SHC1: variants seen among roughly 807,000 people sequenced by gnomAD.
SHC1 encodes SHC-transforming protein 1.
A neutral mutation model predicts 55.9 loss-of-function variants in SHC1; 30 were observed. The ratio of observed to expected loss-of-function variants is 0.54; its 90% CI spans 0.40 to 0.73. The LOEUF (loss-of-function observed/expected upper bound fraction) is 0.73. Ranked by LOEUF, SHC1 falls within the 30% of genes least tolerant of loss-of-function variation. SHC1 has a pLI of 0.00. For synonymous variants in SHC1, 309 were observed against 306.1 expected, an observed-to-expected ratio of 1.01 and a Z score of -0.10; for missense variants, 675 against 777.1, an observed-to-expected ratio of 0.87 and a Z score of 1.56.
At chr1:154,966,107 T>C (rs771042856) in intron 9 of SHC1, 27 bp from the exon 10 acceptor site, 12 of 1,613,950 alleles carry the variant, frequency 7.4e-6, no homozygotes, top group Middle Eastern at 1.6e-4. Context: ...TCTACAGTGA[T>C]CCCAGCCCTG....
In SHC1 at chr1:154,966,344, G is replaced by C. The variant is rs771861582; in HGVS notation, c.1157C>G (p.Thr386Ser). The change falls in exon 8 of 12, where the codon ACC (threonine) becomes AGC (serine). Residue 386 changes from threonine (T) to serine (S), a missense_variant. By Grantham distance (58) the Thr-to-Ser change is moderately conservative (BLOSUM62 1). Around this residue, in one of 3 missense-constraint regions of SHC1, gnomAD observed 360 missense variants for 371.1 expected, o/e 0.97. Transcript: ENST00000448116. ...CAATGTAGCTCCCAAGTGGCTGGGG[G>C]TCTGGGCATTGGGTGCAGTGGGTCG... ...AARPTAPNAQTPSHLGATLPV... is the reference protein window; with the variant it reads ...AARPTAPNAQSPSHLGATLPV... The C allele has an allele frequency of 1.2e-4, 187 of 1,613,994 alleles. No individual in the cohort carries two copies. The highest frequency in any genetic ancestry group is 1.5e-4 in the Non-Finnish European group (181 of 1,179,956).
intron 8 of SHC1, 34 bp downstream of exon 8, chr1:154,966,285 C>G: frequency 6.2e-7 from 1 of 1,612,180 alleles, no homozygotes; most frequent in Non-Finnish European, 8.5e-7. Context: ...CACTCCCACC[C>G]TAGCCCCAGC....
At chr1:154,968,862 G>A (rs1353681502) in intron 2 of SHC1, 28 bp from the exon 3 acceptor site, 1 of 1,605,090 alleles carries the variant, frequency 6.2e-7, no homozygotes, top group East Asian at 2.2e-5. Context: ...CTCAGACCCA[G>A]CGCCTGCCTG....
intron 6 of SHC1, 27 bp downstream of exon 6, chr1:154,967,953 C>T (rs772522796): frequency 6.2e-7 from 1 of 1,613,482 alleles, no homozygotes; most frequent in Non-Finnish European, 8.5e-7. Context: ...CAGCCAGACC[C>T]ACCCAGTGCT....
Position 154,970,168 on chromosome 1 carries a change from C to T in SHC1, c.359G>A (p.Arg120His), listed in dbSNP as rs146132432. ...CTGGCCCCCTTCCACCCGAGTCCTGCGCCCGCCGCCTCCACTCAGCTTGTT... is the reference window on the plus strand; with the variant it reads ...CTGGCCCCCTTCCACCCGAGTCCTGTGCCCGCCGCCTCCACTCAGCTTGTT... ...DMNKLSGGGG[R>H]RTRVEGGQLG... Residue 120 changes from arginine to histidine, a missense_variant, in exon 1 of 12, where the codon CGC (arginine) becomes CAC (histidine). By Grantham distance (29) the Arg-to-His change is conservative (BLOSUM62 0). Transcript: ENST00000448116. The surrounding 1 kb of genome is among the most constrained non-coding windows in gnomAD (Gnocchi z 5.5). 160 of 1,613,396 alleles carry T rather than the reference C, an allele frequency of 9.9e-5. No homozygotes were observed. Among genetic ancestry groups the T allele is most frequent in the Middle Eastern group, 1.6e-4 (1 of 6,082 alleles).
At chr1:154,967,853 C>G in intron 6 of SHC1, 56 bp from the exon 7 acceptor site, 2 of 1,607,854 alleles carry the variant, frequency 1.2e-6, no homozygotes, top group Non-Finnish European at 8.5e-7. Flanking sequence ...GAGGCACAGA[C>G]AGGGGCCCTC....
rs147883617 is a variant in SHC1 at position 154,963,830 on chromosome 1, T to A, written c.1728A>T (p.Leu576=). 1.2e-6 allele frequency: 2 copies of A among 1,614,114 alleles called. No homozygotes were observed. Among genetic ancestry groups the A allele is most frequent in the East Asian group, 4.5e-5 (2 of 44,886 alleles). Residue 576 remains leucine, a synonymous_variant, in exon 12 of 12, where the codon CTA becomes CTT. Transcript: ENST00000448116. ...PIISAGSELC[L]QQPVERKL Reference sequence around the variant, plus strand: ...ACAGTTTCCGCTCCACAGGTTGCTGTAGACACAGTTCGCTGCCCGCAGAGA... The same window carrying A: ...ACAGTTTCCGCTCCACAGGTTGCTGAAGACACAGTTCGCTGCCCGCAGAGA...
rs1344565527 is a variant in SHC1 at position 154,963,236 on chromosome 1, A to C, written c.*567T>G. ...TGCCACTCCTGCCTCTGTTATCCCA[A>C]CCCAAACCGGAGAGGGTGCTCAGCA... is the stretch of plus-strand genomic sequence containing the variant. On this transcript the variant is annotated 3_prime_UTR_variant, in exon 12 of 12. Coordinates refer to ENST00000448116, the MANE Select transcript of SHC1 (RefSeq NM_001130040.2). The C allele has an allele frequency of 6.5e-6, 1 of 153,328 alleles. No individual in the cohort carries two copies. The highest frequency in any genetic ancestry group is 1.5e-5 in the Non-Finnish European group (1 of 68,514). 9.5% of individuals were successfully genotyped at this position (153,328 alleles called of 1,614,324 possible).
chr1:154,965,783 TG>T lies in SHC1; in HGVS notation c.1388-3del. ...CGCGAAGAGCATCTTCGAAGGGCTC[TG>T]GAAGTATAGAGGGAGGGTGAGGGGA... is the stretch of plus-strand genomic sequence containing the variant. On this transcript the variant is annotated splice_region_variant and splice_polypyrimidine_tract_variant and intron_variant, in intron 10 of 11. Coordinates refer to ENST00000448116, the MANE Select transcript of SHC1 (RefSeq NM_001130040.2). 1.9e-6 allele frequency: 3 copies of T among 1,610,210 alleles called. No homozygotes were observed. The highest frequency in any genetic ancestry group is 2.5e-6 in the Non-Finnish European group (3 of 1,177,086).
intron 10 of SHC1, 65 bp from the exon 11 acceptor site, chr1:154,965,846 CAGGGA>C: frequency 1.3e-6 from 2 of 1,576,368 alleles, no homozygotes; most frequent in East Asian, 2.3e-5. Context: ...ACCCAGACTT[CAGGGA>C]AGGGAAGTCA....
At chr1:154,964,223 A>G (rs750872709) in intron 11 of SHC1, 1 of 517,956 alleles carries the variant, frequency 1.9e-6, no homozygotes, top group South Asian at 1.5e-5. Context: ...ATGTCTCAGA[A>G]GAGTATACAC....
Position 154,970,224 on chromosome 1 carries a change from G to T in SHC1, c.303C>A (p.Asp101Glu). The stretch of plus-strand genomic sequence containing the variant: ...CCTGGAGGAGGGGTAGGGGGCCTGA[G>T]TCTGGCATGGCTGCCCCTACGATCC... ...GEGIVGAAMP[D>E]SGPLPLLQDM... Residue 101 changes from aspartate to glutamate, a missense_variant, in exon 1 of 12, where the codon GAC (aspartate) becomes GAA (glutamate). Asp to Glu is a conservative substitution (Grantham distance 45). Coordinates refer to ENST00000448116, the MANE Select transcript of SHC1 (RefSeq NM_001130040.2). The surrounding 1 kb of genome is among the most constrained non-coding windows in gnomAD (Gnocchi z 5.5). 1 of 1,613,596 alleles carries T rather than the reference G, an allele frequency of 6.2e-7. No individual in the cohort carries two copies. The highest frequency in any genetic ancestry group is 8.5e-7 in the Non-Finnish European group (1 of 1,179,776).
At chr1:154,964,484 C>G in intron 11 of SHC1, 1 of 355,120 alleles carries the variant, frequency 2.8e-6, no homozygotes, top group Non-Finnish European at 5.5e-6. Flanking sequence ...CTGTAGAAAA[C>G]AAACAAAAGT....
In SHC1 at chr1:154,965,759, G is replaced by A. The variant is rs1131397; in HGVS notation, c.1410C>T (p.Arg470=). 51 of 1,613,204 alleles carry A rather than the reference G, an allele frequency of 3.2e-5. No individual in the cohort carries two copies. The highest frequency in any genetic ancestry group is 5.0e-5 in the Admixed American group (3 of 59,988). The change falls in exon 11 of 12, where the codon CGC becomes CGT. Residue 470 remains arginine (R), a synonymous_variant. Coordinates refer to ENST00000448116, the MANE Select transcript of SHC1 (RefSeq NM_001130040.2). ...ACACCGACTGGGGAGGTGGAGGCAC[G>A]CGAAGAGCATCTTCGAAGGGCTCTG... ...FDMKPFEDAL[R]VPPPPQSVSM...
chr1:154,967,683 G>C lies in SHC1; in HGVS notation c.971C>G (p.Thr324Ser). Residue 324 changes from threonine to serine, a missense_variant, in exon 7 of 12, where the codon ACC becomes AGC. By Grantham distance (58) the Thr-to-Ser change is moderately conservative. This residue lies in a region of SHC1 where 360 missense variants were observed against 371.1 expected (regional missense o/e 0.97). Transcript: ENST00000448116. ...QYLRNPPKLV[T>S]PHDRMAGFDG... ...CCCACCTGCTCACCTGTCATGAGGG[G>C]TGACCAGTTTGGGTGGGTTCCTGAG... The C allele has an allele frequency of 6.2e-7, 1 of 1,613,644 alleles. No homozygotes were observed. Among genetic ancestry groups the C allele is most frequent in the Non-Finnish European group, 8.5e-7 (1 of 1,179,754 alleles).
Position 154,970,738 on chromosome 1 carries a change from CCTCT to C in SHC1, c.-216_-213del. 8.2e-6 allele frequency: 4 copies of C among 488,626 alleles called. No individual in the cohort carries two copies. In the South Asian group the frequency reaches 1.2e-4, roughly 15 times the overall value. The allele number at this position is 488,626 out of a possible 1,614,324, so 30.3% of individuals were successfully genotyped here. On this transcript the variant is annotated 5_prime_UTR_variant, in exon 1 of 12. Coordinates refer to ENST00000448116, the MANE Select transcript of SHC1 (RefSeq NM_001130040.2). The surrounding 1 kb of genome is among the most constrained non-coding windows in gnomAD (Gnocchi z 5.5). Reference sequence around the variant, plus strand: ...GGCCCCATCCCCGCCCAACGTGGAGCCTCTTCTCTGGCTGAGAAGAGAACAGGCT... The same window carrying C: ...GGCCCCATCCCCGCCCAACGTGGAGCTCTCTGGCTGAGAAGAGAACAGGCT...
At chr1:154,964,151 T>G (rs775307477) in intron 11 of SHC1, 4 of 695,902 alleles carry the variant, frequency 5.7e-6, no homozygotes, top group Non-Finnish European at 1.1e-5. Context: ...AAAGGCGACA[T>G]CAGCCCTGAA....
Position 154,970,494 on chromosome 1 carries a change from A to G in SHC1, c.33T>C (p.Asn11=). MDLLPPKPKY[N]PLRNESLSSL... ...ATGACAGAGACTCATTCCGGAGTGG[A>G]TTGTACTTGGGCTTGGGGGGCAGGA... Residue 11 remains asparagine, a synonymous_variant, in exon 1 of 12, where the codon AAT becomes AAC. Transcript: ENST00000448116. This position sits in a 1 kb window ranked among gnomAD's most constrained non-coding sequence, Gnocchi z 5.5. 1 of 1,611,686 alleles carries G rather than the reference A, an allele frequency of 6.2e-7. No individual in the cohort carries two copies. The highest frequency in any genetic ancestry group is 8.5e-7 in the Non-Finnish European group (1 of 1,179,322).
intron 11 of SHC1, 101 bp from the exon 12 acceptor site, chr1:154,964,032 A>G: frequency 7.7e-7 from 1 of 1,300,666 alleles, no homozygotes; most frequent in Non-Finnish European, 1.1e-6. Flanking sequence ...GGCTTGAAGG[A>G]GGAGAAAAAA....
Sources: allele counts gnomAD v4.1 joint callset, GRCh38; gene constraint gnomAD v4.1.1; regional missense constraint gnomAD v4.1.1; non-coding constraint Gnocchi (gnomAD v3.1); transcripts MANE v1.5; gene names NCBI Gene and HGNC (gene_info 2026-07-23, HGNC 2026-07-21).